The following LRBA variants were observed in gnomAD, a reference collection of about 807,000 sequenced individuals.
LRBA encodes lipopolysaccharide-responsive and beige-like anchor protein.
A neutral mutation model predicts 330.0 loss-of-function variants in LRBA; 176 were observed. That is an observed-to-expected ratio of 0.53 (90% CI 0.47 to 0.60). The LOEUF is 0.60. Ranked by LOEUF, LRBA falls within the 20% of genes least tolerant of loss-of-function variation. LRBA has a pLI of 0.00. For synonymous variants in LRBA, 1,230 were observed against 1,193.0 expected, an observed-to-expected ratio of 1.03 and a Z score of -0.64; for missense variants, 3,259 against 3,444.8, an observed-to-expected ratio of 0.95 and a Z score of 1.35.
At chr4:150,503,179 CCT>C (rs1760531616) in intron 40 of LRBA, among the ~76,000 whole-genome samples, 1 of 152,204 alleles carries the variant, frequency 6.6e-6, no homozygotes, top group South Asian at 2.1e-4. Context: ...CTTAAATGTC[CCT>C]GTCTGACAGC....
chr4:150,838,287 AG>A (rs1269744521), intron 28 of LRBA, among the ~76,000 whole-genome samples: 10 of 152,002 alleles, frequency 6.6e-5, no homozygotes, highest in African/African-American at 2.4e-4. Flanking sequence ...GCTCTTCTCG[AG>A]GAGTATGTTT....
At chr4:150,421,579 G>A (rs992963639) in intron 46 of LRBA, among the ~76,000 whole-genome samples, 6 of 151,914 alleles carry the variant, frequency 3.9e-5, no homozygotes, top group Non-Finnish European at 8.8e-5. Flanking sequence ...GTTTAACAGA[G>A]AGCTTCAGTT....
chr4:150,518,416 A>G (rs1190112840), intron 40 of LRBA, among the ~76,000 whole-genome samples: 3 of 152,196 alleles, frequency 2.0e-5, no homozygotes. Flanking sequence ...ACGATTCACC[A>G]CTGTAACTAA....
chr4:150,504,280 C>A (rs1324393413), intron 40 of LRBA, among the ~76,000 whole-genome samples: 1 of 152,094 alleles, frequency 6.6e-6, no homozygotes, highest in African/African-American at 2.4e-5. Flanking sequence ...AACTCCAAGA[C>A]CCATAATTTT....
At chr4:150,544,553 A>G (rs1195553214) in intron 40 of LRBA, among the ~76,000 whole-genome samples, 3 of 152,118 alleles carry the variant, frequency 2.0e-5, no homozygotes, top group Non-Finnish European at 2.9e-5. Flanking sequence ...CTGACCCCCA[A>G]ATAGATTCAG....
chr4:150,799,112 G>A (rs1170575936), intron 33 of LRBA, among the ~76,000 whole-genome samples: 6 of 151,968 alleles, frequency 3.9e-5, no homozygotes, highest in East Asian at 1.9e-4. Context: ...TAATGATAGC[G>A]CATGTTGGCA....
intron 2 of LRBA, among the ~76,000 whole-genome samples, chr4:150,973,937 C>T (rs1430857827): frequency 6.6e-6 from 1 of 152,196 alleles, no homozygotes; most frequent in Non-Finnish European, 1.5e-5. Context: ...ACACATTAAT[C>T]AAGCAGCTAT....
intron 37 of LRBA, among the ~76,000 whole-genome samples, chr4:150,662,697 G>A (rs1017397138): frequency 6.6e-6 from 1 of 152,236 alleles, no homozygotes; most frequent in Non-Finnish European, 1.5e-5. Context: ...TGTGAGGCCA[G>A]TACCTCAGGC....
At chr4:150,667,174 A>G (rs1310731656) in intron 37 of LRBA, among the ~76,000 whole-genome samples, 1 of 152,224 alleles carries the variant, frequency 6.6e-6, no homozygotes, top group African/African-American at 2.4e-5. Context: ...AGGCTGAATA[A>G]CAGCCTCCCA....
chr4:150,775,805 G>GAAAAAAAAAA (rs35161747), intron 34 of LRBA, among the ~76,000 whole-genome samples: 1 of 59,966 alleles, frequency 1.7e-5, no homozygotes, highest in African/African-American at 6.1e-5. Context: ...AAGAAAGAAT[G>GAAAAAAAAAA]AAAAAAAAAA....
intron 48 of LRBA, among the ~76,000 whole-genome samples, chr4:150,334,993 C>A (rs1402230782): frequency 6.6e-6 from 1 of 151,848 alleles, no homozygotes; most frequent in East Asian, 1.9e-4. Context: ...CCACACCTGG[C>A]TAAATTTTGT....
intron 40 of LRBA, among the ~76,000 whole-genome samples, chr4:150,542,346 A>G (rs1027573086): frequency 5.9e-5 from 9 of 152,250 alleles, no homozygotes; most frequent in Non-Finnish European, 8.8e-5. Flanking sequence ...AACAGAAATA[A>G]TAATTGTAAG....
chr4:150,624,006 A>T (rs1776576881), intron 37 of LRBA, among the ~76,000 whole-genome samples: 1 of 152,190 alleles, frequency 6.6e-6, no homozygotes, highest in Non-Finnish European at 1.5e-5. Context: ...CTACCACAAC[A>T]TACACATACC....
chr4:150,779,000 G>T (rs529079380), intron 34 of LRBA, among the ~76,000 whole-genome samples: 1 of 152,200 alleles, frequency 6.6e-6, no homozygotes, highest in Admixed American at 6.5e-5. Context: ...ATAATAAAAA[G>T]TATTTACCAA....
At chr4:150,545,404 C>T (rs889300979) in intron 40 of LRBA, among the ~76,000 whole-genome samples, 1 of 152,102 alleles carries the variant, frequency 6.6e-6, no homozygotes, top group Admixed American at 6.6e-5. Flanking sequence ...TTCGTGATAT[C>T]TGAAACCTAT....
chr4:150,350,437 G>A (rs1471844166), intron 47 of LRBA, among the ~76,000 whole-genome samples: 1 of 152,054 alleles, frequency 6.6e-6, no homozygotes, highest in East Asian at 1.9e-4. Context: ...GGGTGTGGTG[G>A]CCTGCGCCTG....
At chr4:150,371,749 G>A (rs1331297721) in intron 47 of LRBA, among the ~76,000 whole-genome samples, 2 of 151,712 alleles carry the variant, frequency 1.3e-5, no homozygotes, top group Non-Finnish European at 2.9e-5. Context: ...ATATTTGTTA[G>A]GTAAAAATGT....
At position 150,350,167 on chromosome 4, in the gene LRBA, A is replaced by G. The variant is rs569633028; in HGVS notation, c.7195-8T>C. The G allele has an allele frequency of 6.5e-6, 10 of 1,550,060 alleles. No individual in the cohort carries two copies. In the African/African-American group the frequency reaches 9.8e-5, roughly 15 times the overall value. ...AAATTCACTCTCCAGGGCCTGAAAA[A>G]AGGTATACATTGTATTACTATGCTG... On this transcript the variant is annotated splice_region_variant and splice_polypyrimidine_tract_variant and intron_variant, in intron 47 of 56. Coordinates refer to ENST00000651943, the MANE Select transcript of LRBA (RefSeq NM_001364905.1).
chr4:150,373,327 C>T (rs531263347), intron 47 of LRBA, among the ~76,000 whole-genome samples: 1 of 151,964 alleles, frequency 6.6e-6, no homozygotes, highest in African/African-American at 2.4e-5. Flanking sequence ...TATTACATAG[C>T]AACAAACAAC....
Sources: gnomAD v4.1 joint callset for allele counts (sites outside exome capture counted in the v4.1 genomes callset) on GRCh38, gnomAD v4.1.1 for gene constraint, MANE v1.5 for transcripts, NCBI Gene and HGNC (gene_info 2026-07-23, HGNC 2026-07-21) for gene names.